The following COG3 variants were observed in gnomAD, a reference collection of about 807,000 sequenced individuals.
COG3 encodes the protein conserved oligomeric Golgi complex subunit 3.
In COG3, 32 loss-of-function variants were observed where a neutral mutation model predicts 114.1. That is an observed-to-expected ratio of 0.28 (90% CI 0.21 to 0.38). COG3 has a LOEUF of 0.38. Ranked by LOEUF, COG3 falls within the 10% of genes least tolerant of loss-of-function variation. COG3 has a pLI of 1.00. For synonymous variants in COG3, 352 were observed against 365.7 expected, an observed-to-expected ratio of 0.96 and a Z score of 0.43; for missense variants, 813 against 973.2, an observed-to-expected ratio of 0.84 and a Z score of 2.19.
At chr13:45,508,751 A>T (rs1870521664) in intron 14 of COG3, among the ~76,000 whole-genome samples, 1 of 152,088 alleles carries the variant, frequency 6.6e-6, no homozygotes. Flanking sequence ...TACTTCCCTT[A>T]CAGAGGTGTC....
At chr13:45,525,682 GACTA>G (rs1872611867) in intron 20 of COG3, among the ~76,000 whole-genome samples, 1 of 100,128 alleles carries the variant, frequency 1.0e-5, no homozygotes, top group Non-Finnish European at 1.8e-5. Context: ...TTAAAATCAT[GACTA>G]ACTTTGTGAG....
intron 19 of COG3, among the ~76,000 whole-genome samples, chr13:45,520,927 T>C (rs1332216288): frequency 6.6e-6 from 1 of 152,198 alleles, no homozygotes; most frequent in African/African-American, 2.4e-5. Context: ...TAGATGAATA[T>C]TGTACAATAA....
At chr13:45,530,148 GAA>G (rs1873040647) in intron 21 of COG3, among the ~76,000 whole-genome samples, 3 of 152,148 alleles carry the variant, frequency 2.0e-5, no homozygotes, top group Non-Finnish European at 4.4e-5. Flanking sequence ...ACTGAAAGTA[GAA>G]ATTAGTAAAT....
chr13:45,478,252 C>G (rs1484388236), intron 2 of COG3, among the ~76,000 whole-genome samples: 1 of 149,212 alleles, frequency 6.7e-6, no homozygotes, highest in South Asian at 2.1e-4. Context: ...AGTGCAGTGG[C>G]GTGATCTCGG....
rs373705829 is a variant in COG3 at position 45,472,031 on chromosome 13, C to T, written c.175-4170C>T. 7.9e-5 allele frequency among the ~76,000 whole-genome samples: 12 copies of T among 152,254 alleles called. No homozygotes were observed. The South Asian group carries it at 1.0e-3, about 13-fold the overall frequency. On this transcript the variant is annotated intron_variant, in intron 1 of 22. Transcript: ENST00000349995. ...TACAGGTGTGAGCCACCACACCTGG[C>T]GCTTTTGTTTGTTTTAAACAGTCCT...
chr13:45,534,760 G>A lies in COG3; in HGVS notation c.*29G>A, dbSNP rs1234040908. Reference sequence around the variant, plus strand: ...GGCCAGCCGGGCTGTGCACCTAAATGTCTGTCTGGGAGGAGCAGGCTGAGA... The same window carrying A: ...GGCCAGCCGGGCTGTGCACCTAAATATCTGTCTGGGAGGAGCAGGCTGAGA... On this transcript the variant is annotated 3_prime_UTR_variant, in exon 23 of 23. Transcript: ENST00000349995. 3.9e-6 allele frequency: 6 copies of A among 1,549,640 alleles called. No individual in the cohort carries two copies. Among genetic ancestry groups the A allele is most frequent in the Non-Finnish European group, 3.5e-6 (4 of 1,147,032 alleles).
At chr13:45,486,612 AT>A (rs769074784) in intron 8 of COG3, 37 bp downstream of exon 8, 10 of 1,276,536 alleles carry the variant, frequency 7.8e-6, no homozygotes, top group African/African-American at 1.5e-5. Flanking sequence ...TTGCTATGAA[AT>A]TTGTTCATCT....
At chr13:45,466,111 C>G (rs1375476826) in intron 1 of COG3, among the ~76,000 whole-genome samples, 1 of 152,140 alleles carries the variant, frequency 6.6e-6, no homozygotes, top group South Asian at 2.1e-4. Context: ...GACCTCGGCT[C>G]ACTGCAACCT....
chr13:45,465,382 C>T (rs1197134666), intron 1 of COG3, 172 bp downstream of exon 1: 20 of 1,145,626 alleles, frequency 1.7e-5, no homozygotes, highest in Non-Finnish European at 2.3e-5. Flanking sequence ...TCAGGCTTCG[C>T]TCTGCCTGCG....
chr13:45,503,132 G>A, intron 13 of COG3, 112 bp from the exon 14 acceptor site: 1 of 475,166 alleles, frequency 2.1e-6, no homozygotes, highest in Non-Finnish European at 3.8e-6. Context: ...AATCTGAATA[G>A]TTTCCAAATG....
At position 45,535,132 on chromosome 13, in the gene COG3, G is replaced by A. The variant is rs1050694745; in HGVS notation, c.*401G>A. 16 of 1,001,704 alleles carry A rather than the reference G, an allele frequency of 1.6e-5. No homozygotes were observed. In the African/African-American group the frequency reaches 2.6e-4, roughly 16 times the overall value. 62.1% of individuals were successfully genotyped at this position (1,001,704 alleles called of 1,614,324 possible). A position where few individuals can be genotyped will look rare whatever the true frequency, so the allele number is the denominator to read the frequency against. On this transcript the variant is annotated 3_prime_UTR_variant, in exon 23 of 23. Transcript: ENST00000349995. ...CTGTAAGAGTAAGGTTTGCTAAAACGTGAAACACTGTAACACTTTTAACCA... is the reference window on the plus strand; with the variant it reads ...CTGTAAGAGTAAGGTTTGCTAAAACATGAAACACTGTAACACTTTTAACCA...
intron 17 of COG3, among the ~76,000 whole-genome samples, chr13:45,516,725 T>C (rs1871579969): frequency 6.6e-6 from 1 of 152,202 alleles, no homozygotes; most frequent in Non-Finnish European, 1.5e-5. Context: ...CCGGCCTTTG[T>C]GTGATCTTGG....
intron 15 of COG3, among the ~76,000 whole-genome samples, chr13:45,510,974 T>C (rs1225174049): frequency 1.3e-5 from 2 of 152,150 alleles, no homozygotes; most frequent in African/African-American, 2.4e-5. Flanking sequence ...AACATCAAGT[T>C]GGAGACCAGG....
At chr13:45,496,071 C>G (rs1043361267) in intron 12 of COG3, 81 bp from the exon 13 acceptor site, 1 of 1,419,514 alleles carries the variant, frequency 7.0e-7, no homozygotes, top group Non-Finnish European at 9.6e-7. Flanking sequence ...TGTTTCTGAA[C>G]AATTTAGTAA....
At chr13:45,532,560 GTTTTTTTTTT>G (rs59023921) in intron 22 of COG3, among the ~76,000 whole-genome samples, 4 of 82,466 alleles carry the variant, frequency 4.9e-5, no homozygotes, top group African/African-American at 6.5e-5. Context: ...TCCTTCCATT[GTTTTTTTTTT>G]TTTTTTTTTT....
At chr13:45,505,032 C>T (rs1486258711) in intron 14 of COG3, among the ~76,000 whole-genome samples, 1 of 151,692 alleles carries the variant, frequency 6.6e-6, no homozygotes, top group Non-Finnish European at 1.5e-5. Flanking sequence ...ACTAAAAATA[C>T]AGAAGTTAGC....
intron 17 of COG3, among the ~76,000 whole-genome samples, 169 bp downstream of exon 17, chr13:45,516,432 AACTTGCTGT>A (rs1359035156): frequency 6.6e-6 from 1 of 152,216 alleles, no homozygotes; most frequent in Non-Finnish European, 1.5e-5. Context: ...AATGACTTCT[AACTTGCTGT>A]ATTTTCTTTA....
intron 2 of COG3, among the ~76,000 whole-genome samples, chr13:45,476,975 A>G (rs1478322395): frequency 6.6e-6 from 1 of 152,244 alleles, no homozygotes; most frequent in Non-Finnish European, 1.5e-5. Context: ...AAACCGATGA[A>G]GAATTACAGT....
intron 11 of COG3, among the ~76,000 whole-genome samples, chr13:45,492,954 G>A (rs1887106225): frequency 1.3e-5 from 2 of 152,116 alleles, no homozygotes; most frequent in Non-Finnish European, 2.9e-5. Flanking sequence ...TTTTAAACTT[G>A]TCTTTCCTCG....
Sources: gnomAD v4.1 joint callset for allele counts (sites outside exome capture counted in the v4.1 genomes callset) on GRCh38, gnomAD v4.1.1 for gene constraint, MANE v1.5 for transcripts, NCBI Gene and HGNC (gene_info 2026-07-23, HGNC 2026-07-21) for gene names.